PDE10A: variants seen among roughly 807,000 people sequenced by gnomAD.
PDE10A encodes phosphodiesterase 10A, also known as cAMP and cAMP-inhibited cGMP 3',5'-cyclic phosphodiesterase 10A.
A neutral mutation model predicts 97.7 loss-of-function variants in PDE10A; 39 were observed. The observed-to-expected ratio is 0.40, with a 90% CI of 0.31 to 0.52. The LOEUF (loss-of-function observed/expected upper bound fraction) is 0.52. PDE10A is among the 20% of genes least tolerant of loss of function. PDE10A has a pLI of 0.56. For synonymous variants in PDE10A, 371 were observed against 376.8 expected (o/e 0.98, Z 0.18); for missense variants, 731 against 1,047.8 (o/e 0.70, Z 4.17).
chr6:165,380,323 C>T (rs1229993391), intron 17 of PDE10A, among the ~76,000 whole-genome samples: 1 of 152,028 alleles, frequency 6.6e-6, no homozygotes, highest in Non-Finnish European at 1.5e-5. Flanking sequence ...AGTTAAAATA[C>T]AGTAAAAACA....
intron 1 of PDE10A, among the ~76,000 whole-genome samples, chr6:165,672,120 A>G (rs1488381847): frequency 1.3e-5 from 2 of 152,212 alleles, no homozygotes; most frequent in Non-Finnish European, 1.5e-5. Context: ...CTGTATTTAC[A>G]ACTTGATTTC....
At chr6:165,421,274 T>C (rs1242848607) in intron 10 of PDE10A, among the ~76,000 whole-genome samples, 2 of 152,030 alleles carry the variant, frequency 1.3e-5, no homozygotes, top group African/African-American at 4.8e-5. Context: ...AGACCCCTTC[T>C]CTACAAAACA....
At chr6:165,396,203 T>G in intron 14 of PDE10A, 114 bp downstream of exon 14, 2 of 910,106 alleles carry the variant, frequency 2.2e-6, no homozygotes, top group Admixed American at 5.1e-5. Context: ...CACATGAAAC[T>G]CCACATGTAA....
chr6:165,653,742 A>C (rs748839532), intron 1 of PDE10A, among the ~76,000 whole-genome samples: 1 of 152,200 alleles, frequency 6.6e-6, no homozygotes. Context: ...AGCAGGAAAC[A>C]TGCACTAAAT....
intron 1 of PDE10A, among the ~76,000 whole-genome samples, chr6:165,712,320 A>T (rs1366563769): frequency 6.6e-6 from 1 of 152,168 alleles, no homozygotes; most frequent in African/African-American, 2.4e-5. Context: ...TACTCATCAA[A>T]TCTACAACAC....
chr6:165,470,253 CA>C (rs1426120838), intron 3 of PDE10A, among the ~76,000 whole-genome samples: 4 of 152,086 alleles, frequency 2.6e-5, no homozygotes, highest in Non-Finnish European at 4.4e-5. Flanking sequence ...CCAAACAAAC[CA>C]TACACAAACC....
chr6:165,334,702 C>T (rs948449092), intron 21 of PDE10A, among the ~76,000 whole-genome samples: 7 of 152,040 alleles, frequency 4.6e-5, no homozygotes, highest in Non-Finnish European at 7.4e-5. Context: ...ATGACTTAGG[C>T]CTTTGTAATA....
chr6:165,531,142 G>A (rs1390415308), intron 2 of PDE10A, among the ~76,000 whole-genome samples: 3 of 151,882 alleles, frequency 2.0e-5, no homozygotes, highest in South Asian at 2.1e-4. Context: ...AACCCCCAGA[G>A]GAGATCACAT....
chr6:165,613,632 C>G (rs1787597515), intron 1 of PDE10A, among the ~76,000 whole-genome samples: 1 of 152,054 alleles, frequency 6.6e-6, no homozygotes, highest in East Asian at 1.9e-4. Flanking sequence ...CAGAGCAAGA[C>G]CCTGTCTCAA....
chr6:165,594,059 G>C (rs1359655083), intron 1 of PDE10A, among the ~76,000 whole-genome samples: 1 of 152,184 alleles, frequency 6.6e-6, no homozygotes, highest in African/African-American at 2.4e-5. Context: ...TTGAATTGGA[G>C]ATAGCATTAT....
chr6:165,336,145 C>T lies in PDE10A; in HGVS notation c.3043G>A (p.Glu1015Lys). ...TACCTGCATGCTTTCAGAAGAGGCT[C>T]CGTGGGAGGGAGGATCTGGGTAAGG... The part of the protein sequence containing the change: ...TTLTQILPPT[E>K]PLLKACRDNL... Residue 1015 changes from glutamate to lysine, a missense_variant, in exon 21 of 22, where the codon GAG becomes AAG. By Grantham distance (56) the Glu-to-Lys change is moderately conservative. Transcript: ENST00000539869. 1.2e-6 allele frequency: 2 copies of T among 1,613,552 alleles called. No homozygotes were observed. Among genetic ancestry groups the T allele is most frequent in the Non-Finnish European group, 1.7e-6 (2 of 1,179,574 alleles).
rs371812423 is a variant in PDE10A, at chr6:165,938,980, G to C, written c.-615+48549C>G. Among the ~76,000 whole-genome samples the C allele has an allele frequency of 6.6e-5, 10 of 152,262 alleles. No homozygotes were observed. In the South Asian group the frequency reaches 8.3e-4, roughly 13 times the overall value. Reference sequence around the variant, plus strand: ...CATCAAAAAACTGGAAATAACATAAGTGTCCATCAATAGGAGAATGGCTGA... The same window carrying C: ...CATCAAAAAACTGGAAATAACATAACTGTCCATCAATAGGAGAATGGCTGA... On this transcript the variant is annotated intron_variant, in intron 1 of 19. Transcript: ENST00000366882.
chr6:165,426,417 T>C (rs1156731551), intron 10 of PDE10A, among the ~76,000 whole-genome samples: 2 of 152,082 alleles, frequency 1.3e-5, no homozygotes, highest in Non-Finnish European at 2.9e-5. Context: ...GAAAACTTGA[T>C]AGCTACATGG....
chr6:165,823,173 G>A (rs557556710), intron 1 of PDE10A, among the ~76,000 whole-genome samples: 14 of 151,710 alleles, frequency 9.2e-5, no homozygotes, highest in Non-Finnish European at 1.5e-4. Context: ...GTCCAAAAGG[G>A]TCCAAACACT....
At chr6:165,540,206 C>A (rs1026197131) in intron 2 of PDE10A, among the ~76,000 whole-genome samples, 1 of 152,144 alleles carries the variant, frequency 6.6e-6, no homozygotes, top group East Asian at 1.9e-4. Flanking sequence ...GATTCAGATG[C>A]CTGACCCCTG....
Position 165,444,052 on chromosome 6 carries a change from T to C in PDE10A, c.1194+4876A>G, listed in dbSNP as rs191878846. ...ACAAATATTCTAAACTTTTACGTTC[T>C]GCTTCCCTTTTAAACACAAAACCTT... On this transcript the variant is annotated intron_variant, in intron 5 of 21. Transcript: ENST00000539869. Among the ~76,000 whole-genome samples the C allele has an allele frequency of 4.7e-4, 72 of 152,334 alleles. No individual in the cohort carries two copies. In the South Asian group the frequency reaches 8.1e-3, roughly 17 times the overall value.
chr6:165,460,487 G>T (rs1182288236), intron 3 of PDE10A, among the ~76,000 whole-genome samples: 2 of 152,162 alleles, frequency 1.3e-5, no homozygotes, highest in African/African-American at 4.8e-5. Context: ...AAATCAAATT[G>T]CTGATAAACG....
At chr6:165,815,679 T>C (rs1562750715) in intron 1 of PDE10A, among the ~76,000 whole-genome samples, 1 of 151,932 alleles carries the variant, frequency 6.6e-6, no homozygotes, top group Non-Finnish European at 1.5e-5. Flanking sequence ...TTCTGGTTTT[T>C]CCCCCCATGG....
intron 1 of PDE10A, among the ~76,000 whole-genome samples, chr6:165,905,502 A>G (rs1252700844): frequency 1.3e-5 from 2 of 152,172 alleles, no homozygotes; most frequent in Non-Finnish European, 2.9e-5. Context: ...TTAACTGTCA[A>G]TAGCATGGTT....
Sources: gnomAD v4.1 joint callset for allele counts (sites outside exome capture counted in the v4.1 genomes callset) on GRCh38, gnomAD v4.1.1 for gene constraint, MANE v1.5 for transcripts, NCBI Gene and HGNC (gene_info 2026-07-23, HGNC 2026-07-21) for gene names.